Variants in CDH12 observed in about 807,000 individuals in gnomAD.
CDH12 encodes cadherin-12.
Under a neutral mutation model 74.1 loss-of-function variants are expected in CDH12, and 41 were observed. The ratio of observed to expected loss-of-function variants is 0.55; its 90% CI spans 0.43 to 0.72. CDH12 has a LOEUF of 0.72. CDH12 is among the 30% of genes least tolerant of loss of function. The pLI is 0.00. For synonymous variants in CDH12, 399 were observed against 355.0 expected (o/e 1.12, Z -1.39); for missense variants, 945 against 977.2 (o/e 0.97, Z 0.44).
chr5:22,450,147 T>A (rs1744986057), intron 2 of CDH12, among the ~76,000 whole-genome samples: 1 of 152,032 alleles, frequency 6.6e-6, no homozygotes, highest in African/African-American at 2.4e-5. Flanking sequence ...CATTAATCTA[T>A]ATTATAGCTC....
At chr5:22,065,029 G>A (rs1190596964) in intron 5 of CDH12, among the ~76,000 whole-genome samples, 2 of 152,122 alleles carry the variant, frequency 1.3e-5, no homozygotes, top group Admixed American at 1.3e-4. Flanking sequence ...GAGACACTAA[G>A]CTCATAATTT....
intron 3 of CDH12, among the ~76,000 whole-genome samples, chr5:22,242,211 G>A (rs1231096987): frequency 1.3e-5 from 2 of 152,084 alleles, no homozygotes; most frequent in Non-Finnish European, 2.9e-5. Context: ...TATAGTGGGT[G>A]CTCAAATATG....
intron 1 of CDH12, among the ~76,000 whole-genome samples, chr5:22,650,816 T>C (rs1739695548): frequency 6.6e-6 from 1 of 152,062 alleles, no homozygotes; most frequent in Non-Finnish European, 1.5e-5. Context: ...CAGGCTCTTA[T>C]CTGCCACTGC....
At chr5:22,660,539 G>C (rs143808120) in intron 1 of CDH12, among the ~76,000 whole-genome samples, 30 of 152,284 alleles carry the variant, frequency 2.0e-4, no homozygotes, top group African/African-American at 7.0e-4. Context: ...AGCCCCCGGA[G>C]TAGCTGTGAC....
chr5:22,434,442 T>C (rs1744296183), intron 2 of CDH12, among the ~76,000 whole-genome samples: 1 of 152,190 alleles, frequency 6.6e-6, no homozygotes, highest in Non-Finnish European at 1.5e-5. Flanking sequence ...CCATTTTGCA[T>C]TGAGTTACTA....
intron 4 of CDH12, among the ~76,000 whole-genome samples, chr5:22,092,627 C>A (rs1743502800): frequency 6.6e-6 from 1 of 152,028 alleles, no homozygotes; most frequent in Non-Finnish European, 1.5e-5. Context: ...AAAATCAGCA[C>A]CCGCACACAT....
intron 9 of CDH12, among the ~76,000 whole-genome samples, chr5:21,813,748 C>A (rs200659734): frequency 6.6e-6 from 1 of 152,266 alleles, no homozygotes; most frequent in East Asian, 1.9e-4. Flanking sequence ...CCAAATACCA[C>A]ATGGTCAGGT....
intron 2 of CDH12, among the ~76,000 whole-genome samples, chr5:22,484,827 AT>A (rs994222373): frequency 3.3e-5 from 5 of 152,160 alleles, no homozygotes; most frequent in African/African-American, 1.2e-4. Flanking sequence ...TATTTCTCCT[AT>A]TTTGATTTAT....
chr5:22,473,608 T>C (rs1435282306), intron 2 of CDH12, among the ~76,000 whole-genome samples: 4 of 152,106 alleles, frequency 2.6e-5, no homozygotes, highest in Non-Finnish European at 5.9e-5. Context: ...TAGGCCCAAT[T>C]TTTATTAATT....
At chr5:21,921,821 G>C (rs1754365660) in intron 6 of CDH12, among the ~76,000 whole-genome samples, 1 of 152,212 alleles carries the variant, frequency 6.6e-6, no homozygotes, top group South Asian at 2.1e-4. Context: ...AGACATGGAA[G>C]ACTGTTCAAA....
intron 1 of CDH12, among the ~76,000 whole-genome samples, chr5:22,623,924 G>C (rs1221527312): frequency 6.6e-6 from 1 of 152,104 alleles, no homozygotes; most frequent in Non-Finnish European, 1.5e-5. Flanking sequence ...ATACTACAAG[G>C]CTACAGTAAA....
chr5:22,648,189 G>A (rs977210355), intron 1 of CDH12, among the ~76,000 whole-genome samples: 5 of 151,658 alleles, frequency 3.3e-5, no homozygotes, highest in African/African-American at 7.3e-5. Context: ...CTCCACAAGC[G>A]TTGGCAATTC....
chr5:22,352,779 A>C (rs900892878), intron 3 of CDH12, among the ~76,000 whole-genome samples: 4 of 152,182 alleles, frequency 2.6e-5, no homozygotes, highest in Admixed American at 1.3e-4. Flanking sequence ...TGACATATGG[A>C]CATTATACTG....
At position 22,659,608 on chromosome 5, in the gene CDH12, T is replaced by C. The variant is rs549751377; in HGVS notation, c.-522-154244A>G. 9.2e-5 allele frequency among the ~76,000 whole-genome samples: 14 copies of C among 152,170 alleles called. 1 individual carries two copies. In the East Asian group the frequency reaches 1.7e-3, roughly 19 times the overall value. On this transcript the variant is annotated intron_variant, in intron 1 of 14. Coordinates refer to ENST00000382254, the MANE Select transcript of CDH12 (RefSeq NM_004061.5). ...ATGGAGAAAAACACTTGAATACCAC[T>C]TTATCACTTTGAGCATTTTCATCAA...
At chr5:22,492,281 C>T (rs1746906107) in intron 2 of CDH12, among the ~76,000 whole-genome samples, 1 of 152,022 alleles carries the variant, frequency 6.6e-6, no homozygotes, top group African/African-American at 2.4e-5. Context: ...CAGGACTTTC[C>T]AGTCTCCGTT....
At position 22,439,535 on chromosome 5, in the gene CDH12, T is replaced by C. The variant is rs143433913; in HGVS notation, c.-427-34184A>G. ...TAGAGGCAATATAGACATTTTGCCT[T>C]TCAAGAAACTAAACATTATTCCAGG... On this transcript the variant is annotated intron_variant, in intron 2 of 14. Coordinates refer to ENST00000382254, the MANE Select transcript of CDH12 (RefSeq NM_004061.5). Among the ~76,000 whole-genome samples, 462 of 152,176 alleles carry C rather than the reference T, an allele frequency of 3.0e-3. 7 individuals carry two copies. The East Asian group carries it at 0.05, about 17-fold the overall frequency.
At chr5:22,780,102 C>A (rs1224523403) in intron 1 of CDH12, among the ~76,000 whole-genome samples, 1 of 152,104 alleles carries the variant, frequency 6.6e-6, no homozygotes, top group East Asian at 1.9e-4. Flanking sequence ...AATGTGTAAT[C>A]TAGCCAGGCA....
chr5:22,719,050 C>T (rs1248968924), intron 1 of CDH12, among the ~76,000 whole-genome samples: 1 of 152,010 alleles, frequency 6.6e-6, no homozygotes, highest in Non-Finnish European at 1.5e-5. Flanking sequence ...TGTGAGGAGC[C>T]CCAAATTGAT....
At chr5:22,528,861 T>C (rs1352196099) in intron 1 of CDH12, among the ~76,000 whole-genome samples, 3 of 151,988 alleles carry the variant, frequency 2.0e-5, no homozygotes, top group Non-Finnish European at 1.5e-5. Flanking sequence ...ATAGAATTAT[T>C]AGCATCTTTA....
Sources: gnomAD v4.1 joint callset for allele counts (sites outside exome capture counted in the v4.1 genomes callset) on GRCh38, gnomAD v4.1.1 for gene constraint, MANE v1.5 for transcripts, NCBI Gene and HGNC (gene_info 2026-07-23, HGNC 2026-07-21) for gene names.